Variants in MTERF4 observed in about 807,000 individuals in gnomAD.
The protein encoded by MTERF4 is transcription termination factor 4, mitochondrial.
MTERF4 carries 17 observed loss-of-function variants against 22.5 expected under a neutral mutation model. The ratio of observed to expected loss-of-function variants is 0.75; its 90% CI spans 0.52 to 1.13. The LOEUF (loss-of-function observed/expected upper bound fraction) is 1.13, where lower values mean the gene tolerates loss of function less well. MTERF4 is among the 50% of genes most tolerant of loss of function. MTERF4 has a pLI of 0.00. For missense variants in MTERF4, 420 were observed against 466.8 expected (o/e 0.90, Z 0.92); for synonymous variants, 165 against 175.3 (o/e 0.94, Z 0.47).
At chr2:241,062,494 C>G in the MTERF4 span, among the ~76,000 whole-genome samples, 13 of 152,154 alleles carry the variant, frequency 8.5e-5, no homozygotes, top group African/African-American at 3.1e-4. Flanking sequence ...TTCTGTCAAA[C>G]CCCTGAGGCC....
downstream of MTERF4, among the ~76,000 whole-genome samples, chr2:241,085,645 A>G (rs896919245): frequency 1.3e-5 from 2 of 152,014 alleles, no homozygotes; most frequent in African/African-American, 4.8e-5. Flanking sequence ...TGAATGTCTT[A>G]TAGTTTTTTA....
chr2:241,097,015 T>G, intron 3 of MTERF4: 1 of 600,578 alleles, frequency 1.7e-6, no homozygotes. Flanking sequence ...AGATTTCTCT[T>G]TGGCTGATGT....
chr2:241,062,425 G>A, the MTERF4 span, among the ~76,000 whole-genome samples: 1 of 152,212 alleles, frequency 6.6e-6, no homozygotes, highest in Non-Finnish European at 1.5e-5. Context: ...TGTCCCAGAT[G>A]GACTGGTTTC....
At chr2:241,051,376 G>A in the MTERF4 span, 1 of 211,468 alleles carries the variant, frequency 4.7e-6, no homozygotes, top group Non-Finnish European at 9.3e-6. The surrounding 1 kb of genome is among the most constrained non-coding windows in gnomAD (Gnocchi z 4.7). Flanking sequence ...CACGGCAGAT[G>A]AGACTCAGCT....
In MTERF4 at chr2:241,075,444, G is replaced by A. The variant is rs1268816011; in HGVS notation, n.718C>T. 1 of 152,202 alleles carries A rather than the reference G, an allele frequency of 6.6e-6. No homozygotes were observed. 9.4% of individuals were successfully genotyped at this position (152,202 alleles called of 1,614,324 possible). On this transcript the variant is annotated non_coding_transcript_exon_variant, in exon 5 of 5. Coordinates refer to the MTERF4 transcript ENST00000464344. The surrounding 1 kb of genome is among the most constrained non-coding windows in gnomAD (Gnocchi z 4.8). Reference sequence around the variant, plus strand: ...TGGGATGCACACCCCTGGGATCTGGGTTTGCATCTCCTGGGCACTGATGTG... The same window carrying A: ...TGGGATGCACACCCCTGGGATCTGGATTTGCATCTCCTGGGCACTGATGTG...
At chr2:241,101,312 A>G (rs1391797910) in intron 1 of MTERF4, 1 of 368,078 alleles carries the variant, frequency 2.7e-6, no homozygotes, top group Non-Finnish European at 5.8e-6. Context: ...AGTTCACAAT[A>G]GGGTTCGCGC....
downstream of MTERF4, chr2:241,067,666 C>T (rs1553581619): frequency 3.1e-6 from 3 of 979,694 alleles, no homozygotes; most frequent in African/African-American, 1.6e-5. Flanking sequence ...CTCTCTGTGG[C>T]CCCCAGCACC....
Position 241,096,475 on chromosome 2 carries a change from A to G in MTERF4, c.706-37T>C. ...AAACACACTTAGGAGTCCCAGATAC[A>G]GAGTATTGAAACCTATCATTCTATA... is the stretch of plus-strand genomic sequence containing the variant. On this transcript the variant is annotated intron_variant, in intron 3 of 3. Transcript: ENST00000391980. This position sits in a 1 kb window ranked among gnomAD's most constrained non-coding sequence, Gnocchi z 5.1. 6 of 1,601,170 alleles carry G rather than the reference A, an allele frequency of 3.7e-6. No individual in the cohort carries two copies. The highest frequency in any genetic ancestry group is 5.1e-6 in the Non-Finnish European group (6 of 1,168,824).
chr2:241,065,836 G>A, the MTERF4 span, among the ~76,000 whole-genome samples: 1 of 152,154 alleles, frequency 6.6e-6, no homozygotes, highest in Admixed American at 6.5e-5. Context: ...AGCCAAGAGT[G>A]GGAGCAGCAC....
At chr2:241,089,009 C>G, downstream of MTERF4, 1 of 313,540 alleles carries the variant, frequency 3.2e-6, no homozygotes, top group Non-Finnish European at 5.9e-6. Context: ...AACTTCCTCT[C>G]GCCTTTGTTT....
chr2:241,044,797 T>C, the MTERF4 span, among the ~76,000 whole-genome samples: 6 of 152,328 alleles, frequency 3.9e-5, no homozygotes, highest in South Asian at 1.2e-3. Flanking sequence ...CCTGTTGTTT[T>C]TCCCTTTGTC....
At chr2:241,061,872 AAAAG>A in the MTERF4 span, among the ~76,000 whole-genome samples, 162 of 152,044 alleles carry the variant, frequency 1.1e-3, 5 homozygotes, top group East Asian at 0.025. Flanking sequence ...AAAAAAGAAA[AAAAG>A]AAAACAAAAA....
chr2:241,071,864 C>A, downstream of MTERF4: 2 of 1,604,042 alleles, frequency 1.2e-6, no homozygotes, highest in Non-Finnish European at 1.7e-6. Context: ...AGCAAAGCAG[C>A]CACCGTGAGA....
At chr2:241,088,586 A>G (rs2063705563), downstream of MTERF4, 1 of 601,940 alleles carries the variant, frequency 1.7e-6, no homozygotes, top group Non-Finnish European at 2.9e-6. Flanking sequence ...AAGGGGAAAC[A>G]GACATGAACC....
At chr2:241,053,766 A>G in the MTERF4 span, among the ~76,000 whole-genome samples, 23 of 152,268 alleles carry the variant, frequency 1.5e-4, no homozygotes, top group Admixed American at 5.2e-4. Context: ...TCCAGAGAGC[A>G]TTGCCACTGA....
chr2:241,050,345 G>A, the MTERF4 span, among the ~76,000 whole-genome samples: 4 of 152,180 alleles, frequency 2.6e-5, no homozygotes, highest in African/African-American at 9.7e-5. Context: ...CACTGCAGGC[G>A]TAGCTATCCC....
chr2:241,084,120 T>C (rs1002587189), downstream of MTERF4, among the ~76,000 whole-genome samples: 3 of 149,184 alleles, frequency 2.0e-5, no homozygotes, highest in Non-Finnish European at 4.4e-5. Context: ...TTCAATATGA[T>C]GGCAGCGTCT....
chr2:241,075,532 C>T lies in MTERF4; in HGVS notation n.630G>A, dbSNP rs1005886875. On this transcript the variant is annotated non_coding_transcript_exon_variant, in exon 5 of 5. Transcript: ENST00000464344. The surrounding 1 kb of genome is among the most constrained non-coding windows in gnomAD (Gnocchi z 4.8). The stretch of plus-strand genomic sequence containing the variant: ...TGCTTCTGTGAAATGCCTGATCACG[C>T]CTTTTGACTTTATGTTGGGTTATTT... 1.3e-5 allele frequency: 2 copies of T among 152,170 alleles called. No individual in the cohort carries two copies. The highest frequency in any genetic ancestry group is 2.9e-5 in the Non-Finnish European group (2 of 68,030). The allele number at this position is 152,170 out of a possible 1,614,324, so 9.4% of individuals were successfully genotyped here.
At chr2:241,051,499 C>T in the MTERF4 span, 1 of 399,846 alleles carries the variant, frequency 2.5e-6, no homozygotes. The surrounding 1 kb of genome is among the most constrained non-coding windows in gnomAD (Gnocchi z 4.7). Flanking sequence ...AGAGCCTGGG[C>T]AGAAAAGAGG....
Sources: gnomAD v4.1 joint callset for allele counts (sites outside exome capture counted in the v4.1 genomes callset) on GRCh38, gnomAD v4.1.1 for gene constraint, Gnocchi (gnomAD v3.1) non-coding constraint, MANE v1.5 for transcripts, NCBI Gene and HGNC (gene_info 2026-07-23, HGNC 2026-07-21) for gene names.